The following WWC1 variants were observed in gnomAD, a reference collection of about 807,000 sequenced individuals.
The protein encoded by WWC1 is protein KIBRA.
WWC1 carries 55 observed loss-of-function variants against 138.4 expected under a neutral mutation model. That is an observed-to-expected ratio of 0.40 (90% CI 0.32 to 0.50). The LOEUF (loss-of-function observed/expected upper bound fraction) is 0.50. Among genes scored for constraint, WWC1 ranks in the 20% least tolerant of loss-of-function variants. WWC1 has a pLI of 0.72. For missense variants in WWC1, 1,226 were observed against 1,420.4 expected, an observed-to-expected ratio of 0.86 and a Z score of 2.20; for synonymous variants, 524 against 564.9, an observed-to-expected ratio of 0.93 and a Z score of 1.03.
chr5:168,386,958 T>C (rs1199762672), intron 3 of WWC1, among the ~76,000 whole-genome samples: 1 of 152,212 alleles, frequency 6.6e-6, no homozygotes, highest in Non-Finnish European at 1.5e-5. Context: ...CCTCACTGTT[T>C]CTAATAACCA....
intron 19 of WWC1, among the ~76,000 whole-genome samples, chr5:168,458,432 C>T (rs1582377604): frequency 6.6e-6 from 1 of 152,244 alleles, no homozygotes; most frequent in Non-Finnish European, 1.5e-5. Context: ...GCACAAAAGG[C>T]GTCCTCTGCT....
At chr5:168,306,794 G>A (rs1412117275) in intron 1 of WWC1, among the ~76,000 whole-genome samples, 1 of 152,040 alleles carries the variant, frequency 6.6e-6, no homozygotes, top group Non-Finnish European at 1.5e-5. Context: ...ATGGGGTTTC[G>A]CCATGTTGGC....
intron 3 of WWC1, among the ~76,000 whole-genome samples, chr5:168,388,847 A>G (rs1426603108): frequency 6.6e-6 from 1 of 151,868 alleles, no homozygotes; most frequent in Non-Finnish European, 1.5e-5. Context: ...AAAACAAAAA[A>G]CAAAAACAAA....
rs552337968 is a variant in WWC1, at chr5:168,471,592, C to A, written c.*2575C>A. On this transcript the variant is annotated 3_prime_UTR_variant, in exon 23 of 23. Transcript: ENST00000265293. ...AAGGGCATTGGCCACAGCAACGGGG[C>A]AAATGCCCCAAGCTGGCTGTAAGTG... The A allele has an allele frequency of 1.3e-5, 2 of 152,412 alleles. No individual in the cohort carries two copies. Among genetic ancestry groups the A allele is most frequent in the East Asian group, 3.9e-4 (2 of 5,186 alleles). The allele number at this position is 152,412 out of a possible 1,614,324, so 9.4% of individuals were successfully genotyped here.
intron 1 of WWC1, among the ~76,000 whole-genome samples, chr5:168,353,276 C>T (rs1253179895): frequency 6.6e-6 from 1 of 152,238 alleles, no homozygotes; most frequent in Admixed American, 6.5e-5. Context: ...ACTCCCTAGG[C>T]TTTCCTGGAG....
intron 1 of WWC1, among the ~76,000 whole-genome samples, chr5:168,293,605 G>T (rs1183436946): frequency 6.6e-6 from 1 of 152,146 alleles, no homozygotes; most frequent in Non-Finnish European, 1.5e-5. Context: ...AATATTTAGT[G>T]CTAGAGAGCA....
chr5:168,364,060 GC>G (rs373061391), intron 1 of WWC1, among the ~76,000 whole-genome samples: 38 of 152,174 alleles, frequency 2.5e-4, no homozygotes, highest in African/African-American at 8.7e-4. Context: ...CTTGTCTTGT[GC>G]CAGTCCCGGC....
At chr5:168,321,534 CTT>C (rs575822782) in intron 1 of WWC1, among the ~76,000 whole-genome samples, 369 of 137,698 alleles carry the variant, frequency 2.7e-3, no homozygotes, top group African/African-American at 8.4e-3. Flanking sequence ...GGGCAATATC[CTT>C]TTTTTTTTTT....
At chr5:168,437,802 C>T (rs1040242913) in intron 15 of WWC1, among the ~76,000 whole-genome samples, 1 of 152,142 alleles carries the variant, frequency 6.6e-6, no homozygotes, top group Admixed American at 6.6e-5. Context: ...TGATCCTGGT[C>T]TTTTCCCCTC....
At chr5:168,391,842 T>C (rs1449196621) in intron 3 of WWC1, among the ~76,000 whole-genome samples, 2 of 146,418 alleles carry the variant, frequency 1.4e-5, no homozygotes, top group African/African-American at 2.5e-5. Context: ...ATTTGGAAGC[T>C]GGAAAGCAGA....
intron 15 of WWC1, among the ~76,000 whole-genome samples, chr5:168,436,935 C>T (rs550802793): frequency 2.7e-4 from 41 of 152,342 alleles, no homozygotes; most frequent in Middle Eastern, 3.4e-3. Flanking sequence ...TTGCTAAAAC[C>T]TTATGATGGC....
chr5:168,457,610 G>C (rs1243674845), intron 19 of WWC1, among the ~76,000 whole-genome samples: 2 of 152,174 alleles, frequency 1.3e-5, no homozygotes, highest in African/African-American at 4.8e-5. Flanking sequence ...TCATCATAAG[G>C]CTATGGAACC....
intron 1 of WWC1, among the ~76,000 whole-genome samples, chr5:168,312,610 C>T (rs1445703387): frequency 2.0e-5 from 3 of 152,184 alleles, no homozygotes; most frequent in South Asian, 2.1e-4. Context: ...TGCAGGTGAC[C>T]GCAATGGACT....
intron 11 of WWC1, among the ~76,000 whole-genome samples, chr5:168,424,302 A>C (rs1202375759): frequency 6.6e-6 from 1 of 152,236 alleles, no homozygotes; most frequent in Non-Finnish European, 1.5e-5. Context: ...TTAGCACCTC[A>C]TAAAACTAAA....
At chr5:168,440,290 A>G (rs937055911) in intron 15 of WWC1, among the ~76,000 whole-genome samples, 2 of 152,246 alleles carry the variant, frequency 1.3e-5, no homozygotes, top group East Asian at 3.8e-4. Context: ...TGGCTATCCA[A>G]AAACCACACA....
intron 1 of WWC1, among the ~76,000 whole-genome samples, chr5:168,361,333 G>A (rs976089708): frequency 6.6e-6 from 1 of 152,134 alleles, no homozygotes; most frequent in African/African-American, 2.4e-5. Context: ...AGATATTCCA[G>A]GGTCTTCATT....
At chr5:168,465,503 T>C (rs1035518751) in intron 21 of WWC1, among the ~76,000 whole-genome samples, 4 of 136,916 alleles carry the variant, frequency 2.9e-5, no homozygotes, top group Non-Finnish European at 6.1e-5. Context: ...GAGAAAGATA[T>C]AACCTCAAAA....
chr5:168,470,523 CAA>C lies in WWC1; in HGVS notation c.*1521_*1522del, dbSNP rs79016875. 3.9e-4 allele frequency: 33 copies of C among 85,608 alleles called. No homozygotes were observed. Among genetic ancestry groups the C allele is most frequent in the Non-Finnish European group, 3.4e-4 (14 of 41,746 alleles). 5.3% of individuals were successfully genotyped at this position (85,608 alleles called of 1,614,324 possible). A position where few individuals can be genotyped will look rare whatever the true frequency, so the allele number is the denominator to read the frequency against. ...TGGGTGACAGAGCAAGACTCCGTCT[CAA>C]AAAAAAAAAAAAAAGAAAAATGCAG... is the stretch of plus-strand genomic sequence containing the variant. On this transcript the variant is annotated 3_prime_UTR_variant, in exon 23 of 23. Coordinates refer to ENST00000265293, the MANE Select transcript of WWC1 (RefSeq NM_015238.3).
intron 1 of WWC1, among the ~76,000 whole-genome samples, chr5:168,336,973 G>A (rs1773529379): frequency 2.0e-5 from 3 of 152,260 alleles, no homozygotes; most frequent in East Asian, 1.9e-4. Flanking sequence ...CTGATATTAC[G>A]AATCTTGATT....
Sources: allele counts gnomAD v4.1 joint callset (sites outside exome capture counted in the v4.1 genomes callset), GRCh38; gene constraint gnomAD v4.1.1; transcripts MANE v1.5; gene names NCBI Gene and HGNC (gene_info 2026-07-23, HGNC 2026-07-21).